The following EVA1C variants were observed in gnomAD, a reference collection of about 807,000 sequenced individuals.
EVA1C encodes the protein protein eva-1 homolog C.
In EVA1C, 25 loss-of-function variants were observed where a neutral mutation model predicts 45.4. That is an observed-to-expected ratio of 0.55 (90% confidence interval 0.40 to 0.77). The LOEUF is 0.77. EVA1C is among the 30% of genes least tolerant of loss of function. The pLI is 0.00. For missense variants in EVA1C, 479 were observed against 554.8 expected, an observed-to-expected ratio of 0.86 and a Z score of 1.37; for synonymous variants, 190 against 221.2, an observed-to-expected ratio of 0.86 and a Z score of 1.25.
intron 4 of EVA1C, among the ~76,000 whole-genome samples, chr21:32,492,637 C>A (rs144999264): frequency 2.0e-5 from 3 of 152,124 alleles, no homozygotes; most frequent in East Asian, 1.9e-4. Flanking sequence ...ATGAACCCCC[C>A]ACAGGCATCT....
At chr21:32,430,981 A>AAAAAAAAAAAAAAAAG (rs1433302594) in intron 1 of EVA1C, among the ~76,000 whole-genome samples, 4 of 151,490 alleles carry the variant, frequency 2.6e-5, no homozygotes, top group Admixed American at 2.0e-4. Context: ...TCAAAAAAAA[A>AAAAAAAAAAAAAAAAG]AATTAGATCT....
intron 1 of EVA1C, among the ~76,000 whole-genome samples, chr21:32,450,711 C>T (rs1440057817): frequency 1.3e-5 from 2 of 152,016 alleles, no homozygotes; most frequent in Admixed American, 6.5e-5. Context: ...ATTTTCAGTA[C>T]TCATTGTTTT....
At chr21:32,429,050 T>C (rs2034596121) in intron 1 of EVA1C, among the ~76,000 whole-genome samples, 1 of 152,172 alleles carries the variant, frequency 6.6e-6, no homozygotes, top group African/African-American at 2.4e-5. Flanking sequence ...AGACAGGGTC[T>C]CGCTCTGTCG....
intron 4 of EVA1C, among the ~76,000 whole-genome samples, chr21:32,469,393 C>T (rs909978370): frequency 6.6e-6 from 1 of 152,054 alleles, no homozygotes; most frequent in African/African-American, 2.4e-5. Flanking sequence ...CAGTTGGGGA[C>T]AAGTGTCCAG....
chr21:32,508,565 A>C (rs2037848726), intron 7 of EVA1C, among the ~76,000 whole-genome samples: 1 of 152,244 alleles, frequency 6.6e-6, no homozygotes, highest in Admixed American at 6.5e-5. Context: ...TCACGGAGAT[A>C]TGGATTCGGA....
chr21:32,505,395 C>T (rs1316936676), intron 7 of EVA1C, among the ~76,000 whole-genome samples: 6 of 151,994 alleles, frequency 3.9e-5, no homozygotes, highest in African/African-American at 1.5e-4. Context: ...CAGAAATATC[C>T]CCATATTTAC....
chr21:32,463,745 A>C (rs551406385), intron 3 of EVA1C, among the ~76,000 whole-genome samples: 398 of 152,250 alleles, frequency 2.6e-3, no homozygotes, highest in African/African-American at 5.0e-3. Context: ...CAAAACAAAA[A>C]AAAAACCTCT....
At chr21:32,458,219 A>G (rs898224955) in intron 3 of EVA1C, among the ~76,000 whole-genome samples, 2 of 152,208 alleles carry the variant, frequency 1.3e-5, no homozygotes, top group African/African-American at 4.8e-5. Flanking sequence ...CTTGTTCCCC[A>G]GGAGAATGAG....
intron 1 of EVA1C, among the ~76,000 whole-genome samples, chr21:32,440,036 G>A (rs11910665): frequency 0.15 from 23,030 of 151,878 alleles, 2,048 homozygotes; most frequent in East Asian, 0.27. Context: ...CTGTCTAAGC[G>A]GGTGGGATGG....
chr21:32,493,091 CAT>C (rs1321028615), intron 4 of EVA1C, among the ~76,000 whole-genome samples: 2 of 152,170 alleles, frequency 1.3e-5, no homozygotes, highest in Admixed American at 6.6e-5. Context: ...CCAAAACAAA[CAT>C]AGTTTCTCAC....
At position 32,505,546 on chromosome 21, in the gene EVA1C, G is replaced by A. The variant is rs114093628; in HGVS notation, c.949+1531G>A. ...GTGCTTTACCCCAACTACCTTGTCC[G>A]TTCCTCTCAACAACTGCCTTAGCCA... On this transcript the variant is annotated intron_variant, in intron 7 of 7. Coordinates refer to ENST00000300255, the MANE Select transcript of EVA1C (RefSeq NM_058187.5). Among the ~76,000 whole-genome samples the A allele has an allele frequency of 2.4e-3, 358 of 152,266 alleles. 6 individuals are homozygous for A. Among genetic ancestry groups the A allele is most frequent in the African/African-American group, 8.3e-3 (343 of 41,550 alleles).
At chr21:32,508,349 G>A (rs1476060811) in intron 7 of EVA1C, among the ~76,000 whole-genome samples, 1 of 152,194 alleles carries the variant, frequency 6.6e-6, no homozygotes, top group Non-Finnish European at 1.5e-5. Context: ...GTGGGCTTCT[G>A]GGGCGCAGGG....
At chr21:32,470,952 T>C (rs2036349365) in intron 4 of EVA1C, among the ~76,000 whole-genome samples, 1 of 151,858 alleles carries the variant, frequency 6.6e-6, no homozygotes, top group Non-Finnish European at 1.5e-5. Flanking sequence ...AGAGACGGGG[T>C]TGCACTGTGT....
intron 1 of EVA1C, among the ~76,000 whole-genome samples, chr21:32,422,465 G>T (rs1208381816): frequency 6.6e-6 from 1 of 152,140 alleles, no homozygotes; most frequent in Non-Finnish European, 1.5e-5. Context: ...AAGGATTGAT[G>T]AAAGATTCAG....
At chr21:32,505,687 G>A (rs563177223) in intron 7 of EVA1C, among the ~76,000 whole-genome samples, 14 of 152,316 alleles carry the variant, frequency 9.2e-5, no homozygotes, top group South Asian at 2.1e-4. Flanking sequence ...ATCACTTTCC[G>A]GTAAGGGCTC....
At chr21:32,460,896 C>T (rs2035973836) in intron 3 of EVA1C, among the ~76,000 whole-genome samples, 1 of 152,118 alleles carries the variant, frequency 6.6e-6, no homozygotes, top group African/African-American at 2.4e-5. Context: ...TAGGCATACA[C>T]CACCACACCT....
intron 6 of EVA1C, 146 bp downstream of exon 6, chr21:32,501,641 T>G: frequency 2.6e-4 from 230 of 875,900 alleles, no homozygotes; most frequent in Non-Finnish European, 3.5e-4. Flanking sequence ...TAATAGCGCT[T>G]ATTATCGGCC....
chr21:32,485,511 A>G (rs532726786), intron 4 of EVA1C, among the ~76,000 whole-genome samples: 3 of 152,046 alleles, frequency 2.0e-5, no homozygotes, highest in Non-Finnish European at 4.4e-5. Context: ...CATGGAGCCC[A>G]TAGGTTTCTT....
rs1156502323 is a variant in EVA1C at position 32,412,890 on chromosome 21, C to T, written c.37C>T (p.Pro13Ser). Residue 13 changes from proline (P) to serine (S), a missense_variant, in exon 1 of 8, where the codon CCC (proline) becomes TCC (serine). Pro to Ser is a moderately conservative substitution (Grantham distance 74). Around this residue, in one of 3 missense-constraint regions of EVA1C, gnomAD observed 80 missense variants for 63.8 expected, o/e 1.25. Transcript: ENST00000300255. ...LPGRARQPPTPQPVQHPGLRR... is the reference protein window; with the variant it reads ...LPGRARQPPTSQPVQHPGLRR... The stretch of plus-strand genomic sequence containing the variant: ...GGGACGCGCACGCCAACCGCCGACG[C>T]CCCAGCCCGTGCAGCATCCCGGCCT... 16 of 1,508,700 alleles carry T rather than the reference C, an allele frequency of 1.1e-5. No homozygotes were observed. The highest frequency in any genetic ancestry group is 2.1e-5 in the Admixed American group (1 of 46,858). 93.5% of individuals were successfully genotyped at this position (1,508,700 alleles called of 1,614,324 possible).
Sources: gnomAD v4.1 joint callset for allele counts (sites outside exome capture counted in the v4.1 genomes callset) on GRCh38, gnomAD v4.1.1 for gene constraint, gnomAD v4.1.1 regional missense constraint, MANE v1.5 for transcripts, NCBI Gene and HGNC (gene_info 2026-07-23, HGNC 2026-07-21) for gene names.